Variants in LRIG2 observed in about 807,000 individuals in gnomAD.
LRIG2 encodes leucine rich repeats and immunoglobulin like domains 2.
Under a neutral mutation model 107.8 loss-of-function variants are expected in LRIG2, and 93 were observed. The ratio of observed to expected loss-of-function variants is 0.86; its 90% confidence interval spans 0.73 to 1.03. The LOEUF (loss-of-function observed/expected upper bound fraction) is 1.03. Ranked by LOEUF, LRIG2 falls within the 50% of genes least tolerant of loss-of-function variation. The pLI is 0.00. For synonymous variants in LRIG2, 471 were observed against 470.6 expected (o/e 1.00, Z -0.01); for missense variants, 1,226 against 1,296.0 (o/e 0.95, Z 0.83).
chr1:113,109,579 G>A (rs1184949213), intron 12 of LRIG2, among the ~76,000 whole-genome samples: 1 of 152,120 alleles, frequency 6.6e-6, no homozygotes, highest in Admixed American at 6.5e-5. Context: ...GTGAAGTGGC[G>A]TGATCTCGGC....
chr1:113,078,765 C>G (rs191504569), intron 1 of LRIG2, among the ~76,000 whole-genome samples: 2 of 151,730 alleles, frequency 1.3e-5, no homozygotes, highest in African/African-American at 4.8e-5. Context: ...CTCAGCCTCC[C>G]GAGTAGCTGG....
At chr1:113,106,804 C>T (rs12143630) in intron 11 of LRIG2, among the ~76,000 whole-genome samples, 1 of 152,066 alleles carries the variant, frequency 6.6e-6, no homozygotes, top group Non-Finnish European at 1.5e-5. Flanking sequence ...TGAGCCTGGC[C>T]TAGTGCTGAA....
In LRIG2 at chr1:113,073,511, G is replaced by T; in HGVS notation, c.105G>T (p.Leu35Phe). Residue 35 changes from leucine to phenylalanine, a missense_variant, in exon 1 of 18, where the codon TTG (leucine) becomes TTT (phenylalanine). Around this residue, in one of 3 missense-constraint regions of LRIG2, gnomAD observed 570 missense variants for 550.2 expected, o/e 1.04. Coordinates refer to ENST00000361127, the MANE Select transcript of LRIG2 (RefSeq NM_014813.3). ...LFIAQTALLL[L>F]PAAGAGLCPA... ...TTGCCCAGACCGCTCTCCTCCTGTT[G>T]CCCGCCGCCGGAGCAGGTCTCTGCC... 1 of 1,614,150 alleles carries T rather than the reference G, an allele frequency of 6.2e-7. No homozygotes were observed. The highest frequency in any genetic ancestry group is 8.5e-7 in the Non-Finnish European group (1 of 1,180,030).
In LRIG2 at chr1:113,116,437, G is replaced by C; in HGVS notation, c.2680+1G>C. On this transcript the variant is annotated splice_donor_variant, in intron 16 of 17. Coordinates refer to ENST00000361127, the MANE Select transcript of LRIG2 (RefSeq NM_014813.3). LOFTEE classifies it high-confidence loss of function. ...GGATATATACACAAAGGCACTGACG[G>C]TAATGACTCTGTTGTTTATGGTTAC... The C allele has an allele frequency of 1.3e-6, 2 of 1,502,696 alleles. No homozygotes were observed. Among genetic ancestry groups the C allele is most frequent in the Non-Finnish European group, 1.8e-6 (2 of 1,120,926 alleles). 93.1% of individuals were successfully genotyped at this position (1,502,696 alleles called of 1,614,324 possible).
chr1:113,089,599 A>G (rs1653700870), intron 1 of LRIG2, among the ~76,000 whole-genome samples: 1 of 151,098 alleles, frequency 6.6e-6, no homozygotes, highest in Admixed American at 6.6e-5. Context: ...GCCTTTATAA[A>G]TGCTGGCCAC....
intron 1 of LRIG2, among the ~76,000 whole-genome samples, chr1:113,089,080 T>C (rs978858102): frequency 5.3e-5 from 8 of 152,214 alleles, no homozygotes. Flanking sequence ...GTGGCTAGCT[T>C]TTACTGATAG....
intron 6 of LRIG2, among the ~76,000 whole-genome samples, chr1:113,095,055 C>A (rs1379196603): frequency 6.6e-6 from 1 of 151,202 alleles, no homozygotes; most frequent in East Asian, 2.0e-4. Context: ...GCTCCTGCAA[C>A]CTCTGCCTCC....
In LRIG2 at chr1:113,116,383, GTCA is replaced by G. The variant is rs1438268187; in HGVS notation, c.2631_2633del (p.His877del). Reference sequence around the variant, plus strand: ...GGCTACAGCAACTCTGAGGCAGGCAGTCATCAGCAACTTATGCCTCCTGCCAAT... The same window carrying G: ...GGCTACAGCAACTCTGAGGCAGGCAGTCAGCAACTTATGCCTCCTGCCAAT... On this transcript the variant is annotated inframe_deletion, in exon 16 of 18. Coordinates refer to ENST00000361127, the MANE Select transcript of LRIG2 (RefSeq NM_014813.3). 4 of 1,613,846 alleles carry G rather than the reference GTCA, an allele frequency of 2.5e-6. No individual in the cohort carries two copies.
chr1:113,121,181 C>G (rs1264177287), intron 17 of LRIG2, among the ~76,000 whole-genome samples: 1 of 152,086 alleles, frequency 6.6e-6, no homozygotes, highest in Non-Finnish European at 1.5e-5. Flanking sequence ...TTCAGCTTCA[C>G]TTGGCGGGTG....
intron 1 of LRIG2, among the ~76,000 whole-genome samples, chr1:113,080,748 T>G (rs939158341): frequency 2.0e-5 from 3 of 152,120 alleles, no homozygotes; most frequent in African/African-American, 7.2e-5. Context: ...TAGTAAATGT[T>G]GTGAATGAAT....
intron 1 of LRIG2, among the ~76,000 whole-genome samples, chr1:113,087,163 G>C (rs960695372): frequency 1.6e-4 from 24 of 151,986 alleles, no homozygotes; most frequent in African/African-American, 5.8e-4. Context: ...GTACATTTTA[G>C]GGATATTTGA....
chr1:113,108,979 C>G (rs1654656804), intron 12 of LRIG2, among the ~76,000 whole-genome samples: 1 of 152,144 alleles, frequency 6.6e-6, no homozygotes, highest in Non-Finnish European at 1.5e-5. Context: ...CCTAGTATCT[C>G]TGATCATTTG....
chr1:113,101,596 G>A (rs1326954549), intron 11 of LRIG2, among the ~76,000 whole-genome samples: 1 of 152,208 alleles, frequency 6.6e-6, no homozygotes, highest in African/African-American at 2.4e-5. Context: ...GTATTAGTCT[G>A]CAGTGGATTG....
intron 1 of LRIG2, among the ~76,000 whole-genome samples, chr1:113,082,971 C>A (rs761459620): frequency 6.7e-6 from 1 of 150,080 alleles, no homozygotes; most frequent in Admixed American, 6.6e-5. Flanking sequence ...TTCAGTGTTG[C>A]AATCATGGCT....
intron 17 of LRIG2, among the ~76,000 whole-genome samples, chr1:113,121,736 C>T (rs1279224816): frequency 6.7e-6 from 1 of 150,068 alleles, no homozygotes; most frequent in African/African-American, 2.5e-5. Flanking sequence ...GGGTGAGACT[C>T]TGTCTCAAAA....
intron 1 of LRIG2, among the ~76,000 whole-genome samples, chr1:113,079,094 C>G (rs1264000633): frequency 6.6e-6 from 1 of 151,998 alleles, no homozygotes; most frequent in Non-Finnish European, 1.5e-5. Flanking sequence ...CCTGTAATCC[C>G]AGCACTTTCG....
intron 11 of LRIG2, among the ~76,000 whole-genome samples, chr1:113,107,245 A>G (rs1654577664): frequency 1.3e-5 from 2 of 152,222 alleles, no homozygotes; most frequent in Non-Finnish European, 2.9e-5. Context: ...CGATAAGGTA[A>G]TATTAACTAA....
At chr1:113,121,109 C>A (rs1655233967) in intron 17 of LRIG2, among the ~76,000 whole-genome samples, 1 of 152,132 alleles carries the variant, frequency 6.6e-6, no homozygotes, top group African/African-American at 2.4e-5. Context: ...AGCCACCATG[C>A]CTGGCTGAGA....
At chr1:113,097,175 A>T (rs1238714716) in intron 8 of LRIG2, among the ~76,000 whole-genome samples, 1 of 150,586 alleles carries the variant, frequency 6.6e-6, no homozygotes, top group African/African-American at 2.4e-5. Flanking sequence ...TGAACTTTAT[A>T]TATTTATATA....
Sources: allele counts gnomAD v4.1 joint callset (sites outside exome capture counted in the v4.1 genomes callset), GRCh38; gene constraint gnomAD v4.1.1; regional missense constraint gnomAD v4.1.1; transcripts MANE v1.5; gene names NCBI Gene and HGNC (gene_info 2026-07-23, HGNC 2026-07-21).